The following ARFGEF1 variants were observed in gnomAD, a reference collection of about 807,000 sequenced individuals.
The protein encoded by ARFGEF1 is brefeldin A-inhibited guanine nucleotide-exchange protein 1.
In ARFGEF1, 42 loss-of-function variants were observed where a neutral mutation model predicts 231.0. The observed-to-expected ratio is 0.18, with a 90% CI of 0.14 to 0.24. ARFGEF1 has a LOEUF of 0.24. Ranked by LOEUF, ARFGEF1 falls within the 10% of genes least tolerant of loss-of-function variation. The probability of loss-of-function intolerance (pLI) is 1.00; values close to 1 mark genes in which losing one functional copy is unlikely to be tolerated. For synonymous variants in ARFGEF1, 710 were observed against 732.3 expected, an observed-to-expected ratio of 0.97 and a Z score of 0.49; for missense variants, 1,345 against 2,192.0, an observed-to-expected ratio of 0.61 and a Z score of 7.72.
At chr8:67,184,609 CAGCTATCTGGGAGGCTG>C (rs1833919189) in intron 5 of ARFGEF1, among the ~76,000 whole-genome samples, 1 of 151,660 alleles carries the variant, frequency 6.6e-6, no homozygotes, top group Non-Finnish European at 1.5e-5. Context: ...CCTGTAGTCC[CAGCTATCTGGGAGGCTG>C]AGGCAGGAGA....
intron 19 of ARFGEF1, among the ~76,000 whole-genome samples, chr8:67,245,162 C>T (rs889032038): frequency 1.3e-5 from 2 of 150,406 alleles, no homozygotes; most frequent in African/African-American, 5.0e-5. Context: ...GAAATAATTT[C>T]CCAGACAAAT....
chr8:67,338,305 G>T (rs528338571), intron 1 of ARFGEF1, among the ~76,000 whole-genome samples: 16 of 152,036 alleles, frequency 1.1e-4, no homozygotes, highest in Non-Finnish European at 2.1e-4. Flanking sequence ...CTAGAAGATG[G>T]TCTCACCAGT....
chr8:67,269,348 A>G (rs895312566), intron 10 of ARFGEF1, among the ~76,000 whole-genome samples: 1 of 145,186 alleles, frequency 6.9e-6, no homozygotes, highest in Non-Finnish European at 1.5e-5. Context: ...CTCCACGTTC[A>G]GCTTTTTTTT....
chr8:67,213,656 G>T (rs896933835), intron 33 of ARFGEF1, among the ~76,000 whole-genome samples: 1 of 152,200 alleles, frequency 6.6e-6, no homozygotes, highest in Admixed American at 6.5e-5. Context: ...TTTTATACAT[G>T]TGGTTAACAT....
At chr8:67,231,399 C>G (rs1417529520) in intron 23 of ARFGEF1, among the ~76,000 whole-genome samples, 1 of 152,040 alleles carries the variant, frequency 6.6e-6, no homozygotes, top group Non-Finnish European at 1.5e-5. Context: ...ACAGTACTAA[C>G]AAAATTTATG....
intron 7 of ARFGEF1, among the ~76,000 whole-genome samples, chr8:67,287,492 C>G (rs559584106): frequency 1.7e-4 from 26 of 152,326 alleles, no homozygotes; most frequent in Middle Eastern, 3.4e-3. Flanking sequence ...CAACTATATG[C>G]TGGGTCCTGT....
chr8:67,310,421 T>C (rs552867685), intron 1 of ARFGEF1, among the ~76,000 whole-genome samples: 1 of 152,164 alleles, frequency 6.6e-6, no homozygotes, highest in African/African-American at 2.4e-5. Flanking sequence ...CAGGCTGGAG[T>C]GCAGTGGCGT....
Position 67,217,787 on chromosome 8 carries a change from T to G in ARFGEF1, c.4608A>C (p.Pro1536=). ...CTLDIFKTTI[P]HALLTWRPNS... is the part of the protein sequence containing the mutation. ...GTTGTATAAAATCTTCTTACGCATG[T>G]GGGATTGTGGTTTTGAAGATATCCA... The change falls in exon 32 of 39, where the codon CCA becomes CCC. Residue 1536 remains proline, a synonymous_variant. Coordinates refer to ENST00000262215, the MANE Select transcript of ARFGEF1 (RefSeq NM_006421.5). 6.2e-7 allele frequency: 1 copy of G among 1,613,576 alleles called. No homozygotes were observed. The highest frequency in any genetic ancestry group is 1.1e-5 in the South Asian group (1 of 91,046).
At chr8:67,176,930 G>C (rs1831802730) in intron 5 of ARFGEF1, among the ~76,000 whole-genome samples, 1 of 152,004 alleles carries the variant, frequency 6.6e-6, no homozygotes, top group Non-Finnish European at 1.5e-5. Flanking sequence ...AATTAGCTGG[G>C]CATGGAGGCG....
chr8:67,202,297 T>C (rs1304454045), intron 36 of ARFGEF1, among the ~76,000 whole-genome samples: 2 of 152,080 alleles, frequency 1.3e-5, no homozygotes, highest in African/African-American at 4.8e-5. Context: ...TCTCACTGTG[T>C]TGCCCAGGCT....
At chr8:67,300,097 TATAAAACCCAGTTTCC>T (rs778966313) in intron 3 of ARFGEF1, among the ~76,000 whole-genome samples, 19 of 152,226 alleles carry the variant, frequency 1.2e-4, no homozygotes, top group Non-Finnish European at 2.4e-4. Context: ...CATCAATATG[TATAAAACCCAGTTTCC>T]ATATACTAGC....
chr8:67,273,778 C>A (rs1366014982), intron 9 of ARFGEF1, among the ~76,000 whole-genome samples: 3 of 152,048 alleles, frequency 2.0e-5, no homozygotes, highest in Non-Finnish European at 2.9e-5. Flanking sequence ...GTAGAGACAG[C>A]AAGAACTAAG....
In ARFGEF1 at chr8:67,218,152, T is replaced by C. The variant is rs1325799429; in HGVS notation, c.4339-14A>G. 1 of 1,379,604 alleles carries C rather than the reference T, an allele frequency of 7.2e-7. No individual in the cohort carries two copies. The highest frequency in any genetic ancestry group is 9.4e-7 in the Non-Finnish European group (1 of 1,058,832). 85.5% of individuals were successfully genotyped at this position (1,379,604 alleles called of 1,614,324 possible). On this transcript the variant is annotated splice_polypyrimidine_tract_variant and intron_variant, in intron 30 of 38. Coordinates refer to ENST00000262215, the MANE Select transcript of ARFGEF1 (RefSeq NM_006421.5). ...CCATTCAGCTTTCTGGGGAAAAAAG[T>C]CATTAATGAACATCACGCCATTAAT...
downstream of ARFGEF1, chr8:67,193,643 T>C (rs1166543499): frequency 6.4e-7 from 1 of 1,565,878 alleles, no homozygotes; most frequent in Non-Finnish European, 8.7e-7. Context: ...GAATCCTGTA[T>C]GAACTTTTAA....
At chr8:67,241,236 G>C (rs1839917206) in intron 19 of ARFGEF1, among the ~76,000 whole-genome samples, 1 of 152,118 alleles carries the variant, frequency 6.6e-6, no homozygotes, top group Non-Finnish European at 1.5e-5. Flanking sequence ...ATAGAACCTA[G>C]GTTCTAGTCT....
intron 1 of ARFGEF1, among the ~76,000 whole-genome samples, chr8:67,328,389 C>T (rs1000002304): frequency 1.3e-5 from 2 of 152,154 alleles, no homozygotes; most frequent in African/African-American, 4.8e-5. Context: ...AGTCTTTTTA[C>T]ATCGAGTATT....
chr8:67,190,343 A>G (rs905572438), intron 5 of ARFGEF1, among the ~76,000 whole-genome samples: 1 of 152,234 alleles, frequency 6.6e-6, no homozygotes, highest in Admixed American at 6.5e-5. Flanking sequence ...AATTCCATTT[A>G]TGTTTGGTGT....
At position 67,198,045 on chromosome 8, in the gene ARFGEF1, G is replaced by A. The variant is rs1838156017; in HGVS notation, c.*889C>T. On this transcript the variant is annotated 3_prime_UTR_variant, in exon 39 of 39. Coordinates refer to ENST00000262215, the MANE Select transcript of ARFGEF1 (RefSeq NM_006421.5). ...CAGCAATCTGGATTCATTTTGCAGTGATTCAAGTTTTGGTCCATAAAGGAT... is the reference window on the plus strand; with the variant it reads ...CAGCAATCTGGATTCATTTTGCAGTAATTCAAGTTTTGGTCCATAAAGGAT... The A allele has an allele frequency of 1.0e-6, 1 of 985,726 alleles. No homozygotes were observed. Among genetic ancestry groups the A allele is most frequent in the Non-Finnish European group, 1.2e-6 (1 of 829,948 alleles). The allele number at this position is 985,726 out of a possible 1,614,324, so 61.1% of individuals were successfully genotyped here. A position where few individuals can be genotyped will look rare whatever the true frequency, so the allele number is the denominator to read the frequency against.
At chr8:67,303,833 C>T (rs189574324) in intron 1 of ARFGEF1, among the ~76,000 whole-genome samples, 2 of 152,180 alleles carry the variant, frequency 1.3e-5, no homozygotes, top group East Asian at 1.9e-4. Context: ...CTACACTTTA[C>T]ATATACTAAA....
Sources: gnomAD v4.1 joint callset for allele counts (sites outside exome capture counted in the v4.1 genomes callset) on GRCh38, gnomAD v4.1.1 for gene constraint, MANE v1.5 for transcripts, NCBI Gene and HGNC (gene_info 2026-07-23, HGNC 2026-07-21) for gene names.